Variants in XRN1 observed in about 807,000 individuals in gnomAD.
The protein encoded by XRN1 is strand-exchange protein 1 homolog.
Under a neutral mutation model 222.3 loss-of-function variants are expected in XRN1, and 67 were observed. The ratio of observed to expected loss-of-function variants is 0.30; its 90% CI spans 0.25 to 0.37. The LOEUF is 0.37. Ranked by LOEUF, XRN1 falls within the 10% of genes least tolerant of loss-of-function variation. The pLI is 1.00. For synonymous variants in XRN1, 643 were observed against 652.4 expected (o/e 0.99, Z 0.22); for missense variants, 1,707 against 2,000.2 (o/e 0.85, Z 2.80).
At chr3:142,400,019 AT>A (rs1434016428) in intron 19 of XRN1, among the ~76,000 whole-genome samples, 1 of 152,192 alleles carries the variant, frequency 6.6e-6, no homozygotes, top group African/African-American at 2.4e-5. Flanking sequence ...TTTCAATGAA[AT>A]GTTAAGATAT....
intron 39 of XRN1, among the ~76,000 whole-genome samples, chr3:142,317,001 A>G (rs2107859726): frequency 6.6e-6 from 1 of 152,332 alleles, no homozygotes; most frequent in East Asian, 1.9e-4. Flanking sequence ...CAGAGAAATT[A>G]GGATGAAACT....
At chr3:142,443,659 C>A (rs552273331) in intron 1 of XRN1, among the ~76,000 whole-genome samples, 101 of 152,264 alleles carry the variant, frequency 6.6e-4, no homozygotes, top group African/African-American at 2.0e-3. Context: ...ACTGCAAAAA[C>A]AAACAAACAA....
At chr3:142,389,249 T>C (rs954214227) in intron 20 of XRN1, among the ~76,000 whole-genome samples, 2 of 152,032 alleles carry the variant, frequency 1.3e-5, no homozygotes, top group African/African-American at 4.8e-5. Context: ...TCCTCATCCA[T>C]TCAAGTTTTA....
intron 26 of XRN1, 52 bp from the exon 27 acceptor site, chr3:142,370,672 A>G: frequency 6.8e-7 from 1 of 1,473,008 alleles, no homozygotes; most frequent in Non-Finnish European, 9.1e-7. Context: ...TCTCAGGGCT[A>G]TAAATTATAA....
chr3:142,354,299 A>G (rs1308275498), intron 32 of XRN1, among the ~76,000 whole-genome samples: 1 of 152,180 alleles, frequency 6.6e-6, no homozygotes, highest in East Asian at 1.9e-4. Flanking sequence ...GGCTGTAGAA[A>G]AAAGGGAATG....
In XRN1 at chr3:142,318,652, C is replaced by A; in HGVS notation, c.4561G>T (p.Ala1521Ser). The A allele has an allele frequency of 6.2e-7, 1 of 1,610,010 alleles. No homozygotes were observed. The highest frequency in any genetic ancestry group is 8.5e-7 in the Non-Finnish European group (1 of 1,178,472). The change falls in exon 39 of 41, where the codon GCA becomes TCA. Residue 1521 changes from alanine (A) to serine (S), a missense_variant. Coordinates refer to ENST00000392981, the MANE Select transcript of XRN1 (RefSeq NM_001282857.2). ...MNFPLPSQVF[A>S]NYPSAVPPGT... ...GGTGGTACAGCTGAAGGATAATTTG[C>A]AAATACTTGTGAAGGCAAAGGGAAA...
At chr3:142,377,586 A>AT (rs1387096007) in intron 23 of XRN1, among the ~76,000 whole-genome samples, 1 of 152,200 alleles carries the variant, frequency 6.6e-6, no homozygotes, top group African/African-American at 2.4e-5. Context: ...TATTTAATAC[A>AT]TAACTGTCCT....
chr3:142,413,469 C>T (rs908114720), intron 14 of XRN1, among the ~76,000 whole-genome samples: 14 of 152,086 alleles, frequency 9.2e-5, no homozygotes, highest in African/African-American at 3.4e-4. Flanking sequence ...TCTGACACTG[C>T]TAAAGAAGTA....
intron 33 of XRN1, among the ~76,000 whole-genome samples, chr3:142,345,595 T>C (rs2066123296): frequency 6.6e-6 from 1 of 151,770 alleles, no homozygotes; most frequent in Non-Finnish European, 1.5e-5. Flanking sequence ...TTCAATAGAG[T>C]ATAAAGAAAG....
Position 142,376,606 on chromosome 3 carries a change from A to G in XRN1, c.2716-12T>C, listed in dbSNP as rs1284016127. 1 of 1,571,452 alleles carries G rather than the reference A, an allele frequency of 6.4e-7. No homozygotes were observed. Among genetic ancestry groups the G allele is most frequent in the Admixed American group, 1.8e-5 (1 of 56,500 alleles). On this transcript the variant is annotated splice_polypyrimidine_tract_variant and intron_variant, in intron 23 of 40. Coordinates refer to ENST00000392981, the MANE Select transcript of XRN1 (RefSeq NM_001282857.2). Reference sequence around the variant, plus strand: ...TTTATAGAATATTTCTTTAAATATAAAAACAAAAAGGTCAATTATGGAAAC... The same window carrying G: ...TTTATAGAATATTTCTTTAAATATAGAAACAAAAAGGTCAATTATGGAAAC...
intron 3 of XRN1, among the ~76,000 whole-genome samples, chr3:142,426,167 G>C (rs2069237625): frequency 1.3e-5 from 2 of 152,118 alleles, no homozygotes. Context: ...TGATGAGAAA[G>C]TTAGATTTTA....
intron 2 of XRN1, chr3:142,429,545 G>A (rs1308836400): frequency 6.6e-6 from 1 of 152,220 alleles, no homozygotes; most frequent in African/African-American, 2.4e-5. Flanking sequence ...TATGAATGGA[G>A]AAGGTCATCA....
intron 1 of XRN1, among the ~76,000 whole-genome samples, chr3:142,439,187 T>C (rs2070077517): frequency 6.6e-6 from 1 of 152,166 alleles, no homozygotes; most frequent in South Asian, 2.1e-4. Context: ...TGATCTGACA[T>C]GGAGAGATAT....
At chr3:142,322,951 T>C (rs1374496414) in intron 37 of XRN1, among the ~76,000 whole-genome samples, 3 of 152,160 alleles carry the variant, frequency 2.0e-5, no homozygotes, top group Non-Finnish European at 2.9e-5. Context: ...TGCAGTGAGC[T>C]GAGATCACAG....
chr3:142,427,769 G>A (rs1212550495), intron 2 of XRN1, among the ~76,000 whole-genome samples: 1 of 152,198 alleles, frequency 6.6e-6, no homozygotes, highest in Non-Finnish European at 1.5e-5. Flanking sequence ...CCTACTACCT[G>A]CCTGACTTCT....
chr3:142,376,275 G>A lies in XRN1; in HGVS notation c.2831+204C>T. ...CCTTTTTTCAAGGTTCAATTTATTA[G>A]CTGCTAAAAAATAAGAACTGTCTTT... On this transcript the variant is annotated intron_variant, in intron 24 of 40. Transcript: ENST00000392981. The A allele has an allele frequency of 6.3e-6, 4 of 635,308 alleles. No individual in the cohort carries two copies. In the South Asian group the frequency reaches 8.5e-5, roughly 13 times the overall value. The allele number at this position is 635,308 out of a possible 1,614,324, so 39.4% of individuals were successfully genotyped here. A position where few individuals can be genotyped will look rare whatever the true frequency, so the allele number is the denominator to read the frequency against.
At chr3:142,329,327 T>C in intron 37 of XRN1, 107 bp downstream of exon 37, 2 of 757,644 alleles carry the variant, frequency 2.6e-6, no homozygotes, top group Non-Finnish European at 3.8e-6. Context: ...CTCATAAAGT[T>C]AAGAAAAATA....
chr3:142,312,525 G>A, intron 40 of XRN1, 73 bp downstream of exon 40: 3 of 1,391,484 alleles, frequency 2.2e-6, no homozygotes, highest in Non-Finnish European at 2.8e-6. Flanking sequence ...TAAGTAAACT[G>A]AATAAAAAAA....
Position 142,422,942 on chromosome 3 carries a change from C to A in XRN1, c.711-20G>T. ...CATACCCTGGAATTAGTCAGATGATCAAGATACAGTGAATTTTATTTTTAA... is the reference window on the plus strand; with the variant it reads ...CATACCCTGGAATTAGTCAGATGATAAAGATACAGTGAATTTTATTTTTAA... On this transcript the variant is annotated intron_variant, in intron 6 of 40. Coordinates refer to ENST00000392981, the MANE Select transcript of XRN1 (RefSeq NM_001282857.2). 1 of 1,565,756 alleles carries A rather than the reference C, an allele frequency of 6.4e-7. No homozygotes were observed. The highest frequency in any genetic ancestry group is 1.2e-5 in the South Asian group (1 of 86,158).
Sources: allele counts gnomAD v4.1 joint callset (sites outside exome capture counted in the v4.1 genomes callset), GRCh38; gene constraint gnomAD v4.1.1; transcripts MANE v1.5; gene names NCBI Gene and HGNC (gene_info 2026-07-23, HGNC 2026-07-21).